Variants in ANO4 observed in about 807,000 individuals in gnomAD.
The protein encoded by ANO4 is anoctamin-4.
A neutral mutation model predicts 141.9 loss-of-function variants in ANO4; 69 were observed. The ratio of observed to expected loss-of-function variants is 0.49; its 90% confidence interval spans 0.40 to 0.59. ANO4 has a LOEUF of 0.59. Ranked by LOEUF, ANO4 falls within the 20% of genes least tolerant of loss-of-function variation. ANO4 has a pLI of 0.00. For missense variants in ANO4, 894 were observed against 1,162.2 expected (o/e 0.77, Z 3.36); for synonymous variants, 350 against 394.3 (o/e 0.89, Z 1.33).
Position 101,127,013 on chromosome 12 carries a change from G to A in ANO4, c.2811G>A (p.Gln937=). The A allele has an allele frequency of 6.2e-7, 1 of 1,614,170 alleles. No individual in the cohort carries two copies. Among genetic ancestry groups the A allele is most frequent in the Non-Finnish European group, 8.5e-7 (1 of 1,180,022 alleles). Residue 937 remains glutamine (Q), a synonymous_variant, in exon 27 of 28, where the codon CAG becomes CAA. Transcript: ENST00000392977. ...MMYEAELERL[Q]KERKERKKNG... is the part of the protein sequence containing the mutation. Reference sequence around the variant, plus strand: ...ATGAAGCAGAACTGGAACGTCTCCAGAAGGAACGAAAGGAGAGGAAGAAGA... The same window carrying A: ...ATGAAGCAGAACTGGAACGTCTCCAAAAGGAACGAAAGGAGAGGAAGAAGA...
chr12:100,863,034 T>G (rs2038565827), intron 1 of ANO4, among the ~76,000 whole-genome samples: 1 of 151,974 alleles, frequency 6.6e-6, no homozygotes, highest in South Asian at 2.1e-4. Context: ...CTTAAGGAAG[T>G]GATGAAGAAA....
chr12:100,840,801 G>GC (rs1466345498), intron 1 of ANO4, among the ~76,000 whole-genome samples: 1 of 152,098 alleles, frequency 6.6e-6, no homozygotes, highest in Non-Finnish European at 1.5e-5. Context: ...TCAGAGGTCA[G>GC]CTTTCTTACC....
In ANO4 at chr12:100,987,459, C is replaced by T. The variant is rs1473284046; in HGVS notation, c.603-80C>T. Reference sequence around the variant, plus strand: ...GGAATGTGTGGTATGATAGTTGTGGCTCTGCGGAGACCTTCCTCCTGTGTT... The same window carrying T: ...GGAATGTGTGGTATGATAGTTGTGGTTCTGCGGAGACCTTCCTCCTGTGTT... On this transcript the variant is annotated intron_variant, in intron 7 of 27. Transcript: ENST00000392977. The T allele has an allele frequency of 3.9e-6, 6 of 1,541,590 alleles. No individual in the cohort carries two copies. The African/African-American group carries it at 8.2e-5, about 21-fold the overall frequency.
chr12:101,001,934 A>C (rs1301842715), intron 8 of ANO4, among the ~76,000 whole-genome samples: 1 of 151,964 alleles, frequency 6.6e-6, no homozygotes, highest in African/African-American at 2.4e-5. Flanking sequence ...CACTTTCCTC[A>C]CCCCTGATAC....
chr12:100,750,908 G>T (rs1158440007), intron 3 of ANO4, among the ~76,000 whole-genome samples: 2 of 152,124 alleles, frequency 1.3e-5, no homozygotes, highest in Non-Finnish European at 2.9e-5. Context: ...GAAGTTTCCT[G>T]GGGAGAGCAG....
chr12:100,852,390 A>AG (rs1176761015), intron 1 of ANO4: 10 of 152,206 alleles, frequency 6.6e-5, no homozygotes, highest in African/African-American at 2.4e-4. Context: ...AAGACAATTC[A>AG]GGACTAGTTC....
At chr12:100,952,142 C>T (rs1006721946) in intron 5 of ANO4, among the ~76,000 whole-genome samples, 2 of 152,140 alleles carry the variant, frequency 1.3e-5, no homozygotes, top group Non-Finnish European at 2.9e-5. Flanking sequence ...TAACATCAGA[C>T]TCTTGAATCA....
Position 101,126,871 on chromosome 12 carries a change from T to G in ANO4, c.2677-8T>G. 1 of 1,507,794 alleles carries G rather than the reference T, an allele frequency of 6.6e-7. No individual in the cohort carries two copies. Among genetic ancestry groups the G allele is most frequent in the Non-Finnish European group, 8.8e-7 (1 of 1,140,154 alleles). 93.4% of individuals were successfully genotyped at this position (1,507,794 alleles called of 1,614,324 possible). On this transcript the variant is annotated splice_region_variant and splice_polypyrimidine_tract_variant and intron_variant, in intron 26 of 27. Coordinates refer to ENST00000392977, the MANE Select transcript of ANO4 (RefSeq NM_001286615.2). ...GACCTGACGCTGTTACATTCTCCTC[T>G]GTTTTAGCACCTCGTGTTTTGTATA...
Position 101,110,490 on chromosome 12 carries a change from C to T in ANO4, c.2236C>T (p.Arg746Ter), listed in dbSNP as rs2050621974. Residue 746 changes from arginine to a stop codon, truncating the protein, a stop_gained, in exon 23 of 28, where the codon CGA (arginine) becomes TGA (stop). Transcript: ENST00000392977. LOFTEE classifies it high-confidence loss of function. ...LALLNNIIEIRLDAYKFVTQW... is the reference protein window; with the variant it reads ...LALLNNIIEI The stretch of plus-strand genomic sequence containing the variant: ...CTTACTGAATAACATAATTGAAATT[C>T]GACTTGATGCTTACAAATTTGTCAC... The T allele has an allele frequency of 1.9e-6, 3 of 1,611,326 alleles. No individual in the cohort carries two copies. The highest frequency in any genetic ancestry group is 2.5e-6 in the Non-Finnish European group (3 of 1,178,802).
At chr12:100,989,136 A>G (rs1383775572) in intron 8 of ANO4, among the ~76,000 whole-genome samples, 1 of 152,206 alleles carries the variant, frequency 6.6e-6, no homozygotes, top group Non-Finnish European at 1.5e-5. Context: ...CCCACAGGTC[A>G]GATTAAAGCC....
intron 1 of ANO4, among the ~76,000 whole-genome samples, chr12:100,846,218 A>G (rs1428125380): frequency 6.6e-6 from 1 of 152,180 alleles, no homozygotes; most frequent in Non-Finnish European, 1.5e-5. Flanking sequence ...AAGCTGAAAA[A>G]CATGAAGATC....
intron 1 of ANO4, among the ~76,000 whole-genome samples, chr12:100,883,435 A>G (rs2039669119): frequency 6.6e-6 from 1 of 152,254 alleles, no homozygotes; most frequent in Non-Finnish European, 1.5e-5. Flanking sequence ...TTTATTTACA[A>G]AAACAGATGG....
intron 8 of ANO4, among the ~76,000 whole-genome samples, chr12:101,008,116 A>T (rs1233057162): frequency 6.6e-6 from 1 of 152,184 alleles, no homozygotes; most frequent in Non-Finnish European, 1.5e-5. Flanking sequence ...TTTGAAAATA[A>T]TTCAATTTTT....
intron 11 of ANO4, 124 bp downstream of exon 11, chr12:101,040,200 C>A: frequency 7.8e-7 from 1 of 1,275,482 alleles, no homozygotes; most frequent in Non-Finnish European, 1.0e-6. Context: ...TCATATCTGG[C>A]TTCTTCACAA....
intron 1 of ANO4, among the ~76,000 whole-genome samples, chr12:100,808,741 A>G (rs1429824934): frequency 6.6e-6 from 1 of 152,218 alleles, no homozygotes; most frequent in Non-Finnish European, 1.5e-5. Flanking sequence ...CTGGGGAAAA[A>G]TATTGAAACT....
intron 9 of ANO4, among the ~76,000 whole-genome samples, chr12:101,021,498 T>G (rs925785113): frequency 7.2e-5 from 11 of 152,196 alleles, no homozygotes; most frequent in Non-Finnish European, 1.3e-4. Context: ...GTTACATTAT[T>G]GCAAAGCAGG....
At chr12:100,735,822 C>T (rs1246621500) in intron 2 of ANO4, among the ~76,000 whole-genome samples, 2 of 152,120 alleles carry the variant, frequency 1.3e-5, no homozygotes, top group Non-Finnish European at 2.9e-5. Context: ...TGAGACTTCT[C>T]ACGTCAGAAT....
intron 8 of ANO4, among the ~76,000 whole-genome samples, chr12:100,992,032 G>GT (rs746535374): frequency 2.9e-4 from 44 of 152,236 alleles, no homozygotes; most frequent in Non-Finnish European, 5.1e-4. Flanking sequence ...CTTCTTACAA[G>GT]TTATACATCT....
intron 3 of ANO4, among the ~76,000 whole-genome samples, chr12:100,927,157 C>T (rs187452578): frequency 6.9e-4 from 105 of 152,250 alleles, no homozygotes; most frequent in African/African-American, 2.4e-3. Flanking sequence ...CCTGACTGCT[C>T]TTTCTAAATG....
Sources: gnomAD v4.1 joint callset for allele counts (sites outside exome capture counted in the v4.1 genomes callset) on GRCh38, gnomAD v4.1.1 for gene constraint, MANE v1.5 for transcripts, NCBI Gene and HGNC (gene_info 2026-07-23, HGNC 2026-07-21) for gene names.